LRMDA: variants seen among roughly 807,000 people sequenced by gnomAD.
LRMDA encodes the protein leucine rich melanocyte differentiation associated, also known as leucine-rich melanocyte differentiation-associated protein.
A neutral mutation model predicts 29.8 loss-of-function variants in LRMDA; 18 were observed. That is an observed-to-expected ratio of 0.60 (90% CI 0.42 to 0.90). The LOEUF is 0.90. Ranked by LOEUF, LRMDA falls within the 40% of genes least tolerant of loss-of-function variation. LRMDA has a pLI of 0.00. For synonymous variants in LRMDA, 125 were observed against 109.4 expected (o/e 1.14, Z -0.89); for missense variants, 273 against 273.9 (o/e 1.00, Z 0.02).
At chr10:75,905,925 CA>C (rs1392021664) in intron 2 of LRMDA, among the ~76,000 whole-genome samples, 1 of 106,122 alleles carries the variant, frequency 9.4e-6, no homozygotes, top group Non-Finnish European at 1.7e-5. Flanking sequence ...TCCCCCTAGC[CA>C]AAGGTTTTTT....
At chr10:75,552,419 T>C (rs748326035) in intron 2 of LRMDA, 4 of 285,932 alleles carry the variant, frequency 1.4e-5, no homozygotes, top group South Asian at 2.8e-5. Context: ...CTGTGTTTTT[T>C]TTTTTTCCCC....
intron 5 of LRMDA, among the ~76,000 whole-genome samples, chr10:76,063,814 T>C (rs1848741666): frequency 6.6e-6 from 1 of 152,156 alleles, no homozygotes; most frequent in Admixed American, 6.5e-5. Context: ...TTTAGTTTCT[T>C]CCATCTGTGT....
At chr10:75,870,785 T>C (rs1457952510) in intron 2 of LRMDA, among the ~76,000 whole-genome samples, 1 of 152,170 alleles carries the variant, frequency 6.6e-6, no homozygotes, top group Non-Finnish European at 1.5e-5. Context: ...GTAGAGTGCT[T>C]GTAGCAAAAT....
At chr10:76,180,688 A>T (rs1273217796) in intron 5 of LRMDA, among the ~76,000 whole-genome samples, 1 of 152,140 alleles carries the variant, frequency 6.6e-6, no homozygotes, top group African/African-American at 2.4e-5. Flanking sequence ...GGCTGATGAA[A>T]TAAAGTCCCC....
chr10:75,747,357 A>G (rs1405178482), intron 2 of LRMDA, among the ~76,000 whole-genome samples: 1 of 152,198 alleles, frequency 6.6e-6, no homozygotes, highest in Non-Finnish European at 1.5e-5. Context: ...GTATTATTCA[A>G]ATAAATTTTG....
intron 2 of LRMDA, among the ~76,000 whole-genome samples, chr10:75,630,926 G>A (rs1372888501): frequency 6.6e-6 from 1 of 152,162 alleles, no homozygotes; most frequent in East Asian, 1.9e-4. Context: ...CCTGGGCCTG[G>A]CTATGTGGAT....
intron 2 of LRMDA, among the ~76,000 whole-genome samples, chr10:75,530,444 G>A (rs527767392): frequency 1.3e-5 from 2 of 152,228 alleles, no homozygotes; most frequent in Non-Finnish European, 2.9e-5. Context: ...GACAAGTGAC[G>A]AATGCCTGTG....
intron 2 of LRMDA, among the ~76,000 whole-genome samples, chr10:75,936,642 G>C (rs1846299550): frequency 6.6e-6 from 1 of 152,170 alleles, no homozygotes. Context: ...CAAGCTCAAG[G>C]CAGCAGTAGG....
intron 2 of LRMDA, among the ~76,000 whole-genome samples, chr10:75,676,425 C>T (rs1841961185): frequency 6.6e-6 from 1 of 152,162 alleles, no homozygotes; most frequent in African/African-American, 2.4e-5. Context: ...GTCATCATCT[C>T]CAGGTTGCAT....
chr10:76,281,285 A>G (rs1840201188), intron 5 of LRMDA, among the ~76,000 whole-genome samples: 1 of 152,242 alleles, frequency 6.6e-6, no homozygotes, highest in African/African-American at 2.4e-5. Flanking sequence ...AAGTTACAGA[A>G]GTACAAAAGC....
intron 2 of LRMDA, among the ~76,000 whole-genome samples, chr10:75,745,266 T>TTC (rs145749260): frequency 1.7e-5 from 2 of 120,500 alleles, no homozygotes; most frequent in African/African-American, 3.1e-5. Context: ...CTCTCTCTCT[T>TTC]TCTCTCTCTC....
chr10:76,334,924 T>C (rs1840949596), intron 6 of LRMDA, among the ~76,000 whole-genome samples: 1 of 152,180 alleles, frequency 6.6e-6, no homozygotes. Context: ...CAAGGTCCTA[T>C]GCAGAGAAAG....
At chr10:75,738,286 C>T (rs1842789946) in intron 2 of LRMDA, among the ~76,000 whole-genome samples, 1 of 152,118 alleles carries the variant, frequency 6.6e-6, no homozygotes, top group African/African-American at 2.4e-5. Flanking sequence ...AAATCAGCTG[C>T]AGCTTCAGGT....
intron 2 of LRMDA, among the ~76,000 whole-genome samples, chr10:75,474,706 C>T (rs865955533): frequency 2.6e-5 from 4 of 152,140 alleles, no homozygotes; most frequent in Non-Finnish European, 5.9e-5. Context: ...TATCCTGAAC[C>T]CCTCATTGTA....
At chr10:75,895,319 C>T (rs1229090358) in intron 2 of LRMDA, among the ~76,000 whole-genome samples, 3 of 152,162 alleles carry the variant, frequency 2.0e-5, no homozygotes, top group African/African-American at 4.8e-5. Context: ...TCCTAAAACA[C>T]CACAAACAAC....
rs1438078322 is a variant in LRMDA, at chr10:76,237,149, A to G, written c.517-87252A>G. Reference sequence around the variant, plus strand: ...CAGTGAGCTATGACTGCACTACTGCATTCGAGCCTGGGCAACAGAGGGAGA... The same window carrying G: ...CAGTGAGCTATGACTGCACTACTGCGTTCGAGCCTGGGCAACAGAGGGAGA... On this transcript the variant is annotated intron_variant, in intron 5 of 6. Coordinates refer to ENST00000611255, the MANE Select transcript of LRMDA (RefSeq NM_001305581.2). Among the ~76,000 whole-genome samples the G allele has an allele frequency of 1.3e-5, 2 of 152,240 alleles. 1 individual carries two copies. The highest frequency in any genetic ancestry group is 3.8e-4 in the East Asian group (2 of 5,198).
intron 5 of LRMDA, among the ~76,000 whole-genome samples, chr10:76,244,209 C>T (rs1354090480): frequency 2.6e-5 from 4 of 152,150 alleles, no homozygotes; most frequent in South Asian, 2.1e-4. Context: ...TGGGTTATTA[C>T]ACTTGTCTCT....
chr10:75,964,963 G>A (rs1209626888), intron 2 of LRMDA, among the ~76,000 whole-genome samples: 10 of 152,086 alleles, frequency 6.6e-5, no homozygotes, highest in Admixed American at 3.9e-4. Context: ...ATGGGGTTTC[G>A]CCATGTTGGC....
chr10:76,154,397 A>T (rs369299647), intron 5 of LRMDA, among the ~76,000 whole-genome samples: 1 of 152,236 alleles, frequency 6.6e-6, no homozygotes, highest in East Asian at 1.9e-4. Context: ...CAATTAGAGC[A>T]TCTAGACCAA....
Sources: allele counts gnomAD v4.1 joint callset (sites outside exome capture counted in the v4.1 genomes callset), GRCh38; gene constraint gnomAD v4.1.1; transcripts MANE v1.5; gene names NCBI Gene and HGNC (gene_info 2026-07-23, HGNC 2026-07-21).